Variants in MDGA2 observed in about 807,000 individuals in gnomAD.
MDGA2 encodes the protein MAM domain containing glycosylphosphatidylinositol anchor 2.
A neutral mutation model predicts 117.8 loss-of-function variants in MDGA2; 40 were observed. The observed-to-expected ratio is 0.34, with a 90% confidence interval of 0.26 to 0.44. MDGA2 has a LOEUF of 0.44. Ranked by LOEUF, MDGA2 falls within the 20% of genes least tolerant of loss-of-function variation. MDGA2 has a pLI of 1.00. For synonymous variants in MDGA2, 452 were observed against 439.0 expected, an observed-to-expected ratio of 1.03 and a Z score of -0.37; for missense variants, 1,123 against 1,250.6, an observed-to-expected ratio of 0.90 and a Z score of 1.54.
chr14:47,106,416 A>T (rs1880680412), intron 5 of MDGA2, among the ~76,000 whole-genome samples: 1 of 151,982 alleles, frequency 6.6e-6, no homozygotes, highest in African/African-American at 2.4e-5. Context: ...CGCAGCAGCC[A>T]GGCGTTCCTC....
intron 1 of MDGA2, among the ~76,000 whole-genome samples, chr14:47,574,115 G>A (rs774677489): frequency 3.3e-5 from 5 of 152,156 alleles, no homozygotes; most frequent in Non-Finnish European, 7.4e-5. Flanking sequence ...TGGGTTCTGT[G>A]GATCGTGGCT....
intron 2 of MDGA2, among the ~76,000 whole-genome samples, chr14:47,262,849 C>A (rs1887842351): frequency 6.6e-6 from 1 of 152,086 alleles, no homozygotes; most frequent in Admixed American, 6.6e-5. Flanking sequence ...GAAAATTTGG[C>A]TTTCTTTACA....
chr14:46,861,797 T>A, intron 14 of MDGA2, among the ~76,000 whole-genome samples: 1 of 152,106 alleles, frequency 6.6e-6, no homozygotes, highest in Non-Finnish European at 1.5e-5. Flanking sequence ...CAAATGATTT[T>A]GGAACTTTTC....
At chr14:47,281,400 T>C (rs918411824) in intron 2 of MDGA2, among the ~76,000 whole-genome samples, 1 of 152,218 alleles carries the variant, frequency 6.6e-6, no homozygotes, top group Non-Finnish European at 1.5e-5. Context: ...TCTATCCAGG[T>C]ATTTTCCAGA....
At chr14:47,558,765 T>A (rs1344287768) in intron 1 of MDGA2, among the ~76,000 whole-genome samples, 1 of 152,210 alleles carries the variant, frequency 6.6e-6, no homozygotes. Flanking sequence ...AGATATTAAA[T>A]AATGACAATT....
chr14:46,956,282 G>A (rs1003450229), intron 9 of MDGA2, among the ~76,000 whole-genome samples: 2 of 151,788 alleles, frequency 1.3e-5, no homozygotes, highest in Non-Finnish European at 2.9e-5. Flanking sequence ...CTTTACCTAT[G>A]ACAAAGAAAA....
At chr14:47,343,085 A>G (rs893005845) in intron 1 of MDGA2, 30 of 1,271,910 alleles carry the variant, frequency 2.4e-5, no homozygotes, top group Non-Finnish European at 2.7e-5. Flanking sequence ...ATACTTGAAC[A>G]TGGAAGCCTC....
At chr14:47,496,589 T>C (rs1022635327) in intron 1 of MDGA2, among the ~76,000 whole-genome samples, 3 of 151,908 alleles carry the variant, frequency 2.0e-5, no homozygotes, top group African/African-American at 7.3e-5. Flanking sequence ...CTTTCAGTTG[T>C]GGAAAAATGA....
intron 1 of MDGA2, among the ~76,000 whole-genome samples, chr14:47,491,801 TG>T (rs1253274713): frequency 3.4e-5 from 2 of 59,044 alleles, no homozygotes; most frequent in African/African-American, 1.3e-4. Context: ...CAAATCTGAT[TG>T]AAAAAAAAAA....
intron 1 of MDGA2, among the ~76,000 whole-genome samples, chr14:47,434,094 T>A (rs1217400633): frequency 2.0e-5 from 3 of 152,080 alleles, no homozygotes; most frequent in Non-Finnish European, 1.5e-5. Context: ...AATAAGACTT[T>A]TGGTGACAAA....
At chr14:47,189,949 T>C (rs1885049816) in intron 3 of MDGA2, among the ~76,000 whole-genome samples, 1 of 152,168 alleles carries the variant, frequency 6.6e-6, no homozygotes, top group East Asian at 1.9e-4. Flanking sequence ...TAGTAAAATG[T>C]CACTCTTTTG....
chr14:47,244,507 AT>A (rs1887175033), intron 2 of MDGA2, among the ~76,000 whole-genome samples: 1 of 151,828 alleles, frequency 6.6e-6, no homozygotes, highest in Non-Finnish European at 1.5e-5. Flanking sequence ...ACAATTTTCC[AT>A]TGAAAGAATC....
intron 1 of MDGA2, among the ~76,000 whole-genome samples, chr14:47,456,895 T>A (rs1261515025): frequency 6.6e-6 from 1 of 150,696 alleles, no homozygotes; most frequent in African/African-American, 2.4e-5. Flanking sequence ...ACACTTGGAG[T>A]ATACTCAAAA....
At chr14:47,531,663 T>A (rs1895104424) in intron 1 of MDGA2, among the ~76,000 whole-genome samples, 2 of 152,196 alleles carry the variant, frequency 1.3e-5, no homozygotes, top group Admixed American at 6.5e-5. Context: ...CTAAGCAGTA[T>A]TCTTTCATCT....
At chr14:46,903,639 T>C (rs897285704) in intron 10 of MDGA2, among the ~76,000 whole-genome samples, 2 of 152,136 alleles carry the variant, frequency 1.3e-5, no homozygotes, top group Non-Finnish European at 2.9e-5. Context: ...AGATCATCAA[T>C]ATAATTTAAT....
At chr14:47,054,084 G>A (rs570998157) in intron 7 of MDGA2, among the ~76,000 whole-genome samples, 1 of 151,998 alleles carries the variant, frequency 6.6e-6, no homozygotes, top group African/African-American at 2.4e-5. Context: ...CCTTTTATGA[G>A]AGAGATTGTG....
chr14:47,106,501 G>A (rs1366535755), intron 5 of MDGA2, among the ~76,000 whole-genome samples: 8 of 152,002 alleles, frequency 5.3e-5, no homozygotes, highest in African/African-American at 2.4e-5. Flanking sequence ...CCCGCAGCCT[G>A]GGATTCCTCC....
intron 1 of MDGA2, among the ~76,000 whole-genome samples, chr14:47,324,945 A>T (rs1890099654): frequency 6.6e-6 from 1 of 152,156 alleles, no homozygotes; most frequent in Admixed American, 6.5e-5. Flanking sequence ...ATGGGGAAAG[A>T]TTGATCAAGG....
chr14:46,971,512 C>G (rs998761648), intron 8 of MDGA2, among the ~76,000 whole-genome samples: 1 of 151,908 alleles, frequency 6.6e-6, no homozygotes. Context: ...AAAATTAGAT[C>G]TTATGGAGAT....
Sources: allele counts gnomAD v4.1 joint callset (sites outside exome capture counted in the v4.1 genomes callset), GRCh38; gene constraint gnomAD v4.1.1; transcripts MANE v1.5; gene names NCBI Gene and HGNC (gene_info 2026-07-23, HGNC 2026-07-21).